The following CYP7B1 variants were observed in gnomAD, a reference collection of about 807,000 sequenced individuals.
The protein encoded by CYP7B1 is cytochrome P450 family 7 subfamily B member 1, also known as cytochrome P450 7B1.
In CYP7B1, 29 loss-of-function variants were observed where a neutral mutation model predicts 42.7. The observed-to-expected ratio is 0.68, with a 90% CI of 0.51 to 0.93. CYP7B1 has a LOEUF of 0.93. Among genes scored for constraint, CYP7B1 ranks in the 40% least tolerant of loss-of-function variants. The pLI is 0.00. For missense variants in CYP7B1, 655 were observed against 600.5 expected, an observed-to-expected ratio of 1.09 and a Z score of -0.95; for synonymous variants, 235 against 218.2, an observed-to-expected ratio of 1.08 and a Z score of -0.68.
chr8:64,768,387 T>C (rs1804147340), intron 1 of CYP7B1, among the ~76,000 whole-genome samples: 1 of 152,178 alleles, frequency 6.6e-6, no homozygotes, highest in Non-Finnish European at 1.5e-5. Context: ...GTTATTTACA[T>C]TTCAGAGAGC....
chr8:64,605,517 T>C (rs1017914046), intron 4 of CYP7B1, among the ~76,000 whole-genome samples: 1 of 152,200 alleles, frequency 6.6e-6, no homozygotes, highest in Non-Finnish European at 1.5e-5. Context: ...CCTTTCCCAG[T>C]GGCCTTCACC....
At chr8:64,682,535 C>A (rs1445124730) in intron 1 of CYP7B1, among the ~76,000 whole-genome samples, 1 of 152,132 alleles carries the variant, frequency 6.6e-6, no homozygotes, top group Admixed American at 6.5e-5. Flanking sequence ...CCTTGGTGAC[C>A]TTTCTTCAAA....
At position 64,762,803 on chromosome 8, in the gene CYP7B1, A is replaced by G. The variant is rs563531354; in HGVS notation, c.122+35663T>C. Among the ~76,000 whole-genome samples the G allele has an allele frequency of 2.0e-4, 30 of 152,334 alleles. No homozygotes were observed. In the East Asian group the frequency reaches 3.5e-3, roughly 18 times the overall value. On this transcript the variant is annotated intron_variant, in intron 1 of 5. Transcript: ENST00000310193. ...AAGACCCTGTAGTAGTTTTCCTTCCAGCATATCTTCTCTACCTATTTTATT... is the reference window on the plus strand; with the variant it reads ...AAGACCCTGTAGTAGTTTTCCTTCCGGCATATCTTCTCTACCTATTTTATT...
chr8:64,760,482 T>G (rs532878909), intron 1 of CYP7B1, among the ~76,000 whole-genome samples: 3 of 152,028 alleles, frequency 2.0e-5, no homozygotes, highest in Admixed American at 1.3e-4. Context: ...CTAAAATATA[T>G]AAGGAATTCA....
chr8:64,615,973 C>T lies in CYP7B1; in HGVS notation c.568G>A (p.Glu190Lys), dbSNP rs1563364227. Residue 190 changes from glutamate to lysine, a missense_variant, in exon 3 of 6, where the codon GAG (glutamate) becomes AAG (lysine). Glu to Lys is a moderately conservative substitution (Grantham distance 56). Coordinates refer to ENST00000310193, the MANE Select transcript of CYP7B1 (RefSeq NM_004820.5). The part of the protein sequence containing the change: ...LYPFCSSIIF[E>K]ITFTTIYGKV... ...CCATATATAGTTGTAAATGTGATCT[C>T]AAATATTATTGAGCTGCAGAATGGA... is the stretch of plus-strand genomic sequence containing the variant. The T allele has an allele frequency of 6.2e-7, 1 of 1,613,638 alleles. No individual in the cohort carries two copies. Among genetic ancestry groups the T allele is most frequent in the Non-Finnish European group, 8.5e-7 (1 of 1,179,822 alleles).
In CYP7B1 at chr8:64,593,299, T is replaced by C. The variant is rs890080119; in HGVS notation, c.*3343A>G. Among the ~76,000 whole-genome samples, 8 of 142,260 alleles carry C rather than the reference T, an allele frequency of 5.6e-5. No homozygotes were observed. The highest frequency in any genetic ancestry group is 1.1e-4 in the Non-Finnish European group (7 of 66,168). 93.3% of individuals were successfully genotyped at this position (142,260 alleles called of 152,430 possible). A position where few individuals can be genotyped will look rare whatever the true frequency, so the allele number is the denominator to read the frequency against. ...TGTGTGTGTGTGTAATCCAAGGCCT[T>C]TGCATAAAGCCAAGAACTTGCAAAG... On this transcript the variant is annotated 3_prime_UTR_variant, in exon 6 of 6. Coordinates refer to ENST00000310193, the MANE Select transcript of CYP7B1 (RefSeq NM_004820.5).
intron 1 of CYP7B1, among the ~76,000 whole-genome samples, chr8:64,770,531 T>C (rs1423908747): frequency 6.6e-6 from 1 of 152,216 alleles, no homozygotes; most frequent in Non-Finnish European, 1.5e-5. Flanking sequence ...TTAAGGACAC[T>C]TAATATGCAA....
chr8:64,745,075 T>A (rs1016599293), intron 1 of CYP7B1, among the ~76,000 whole-genome samples: 4 of 152,200 alleles, frequency 2.6e-5, no homozygotes, highest in Non-Finnish European at 5.9e-5. Flanking sequence ...ACTAATTCCT[T>A]CATTTAGTTC....
intron 1 of CYP7B1, among the ~76,000 whole-genome samples, chr8:64,655,884 T>C (rs1806113226): frequency 6.6e-6 from 1 of 152,184 alleles, no homozygotes; most frequent in South Asian, 2.1e-4. Context: ...TGGAGGCTAT[T>C]ACCCTTAGCA....
chr8:64,780,401 G>A lies in CYP7B1; in HGVS notation c.122+18065C>T, dbSNP rs1009518923. ...TTTATTAATGTCAACTATTTAGGAT[G>A]AAGTTATGAGGAGAAATGACAATGA... On this transcript the variant is annotated intron_variant, in intron 1 of 5. Transcript: ENST00000310193. Among the ~76,000 whole-genome samples, 20 of 152,180 alleles carry A rather than the reference G, an allele frequency of 1.3e-4. 1 individual carries two copies. Among genetic ancestry groups the A allele is most frequent in the South Asian group, 1.0e-3 (5 of 4,824 alleles).
chr8:64,798,511 G>A lies in CYP7B1; in HGVS notation c.77C>T (p.Ala26Val), dbSNP rs754214163. The change falls in exon 1 of 6, where the codon GCG becomes GTG. Residue 26 changes from alanine to valine, a missense_variant. By Grantham distance (64) the Ala-to-Val change is moderately conservative. Coordinates refer to ENST00000310193, the MANE Select transcript of CYP7B1 (RefSeq NM_004820.5). ...GCAGAGGGCCAGGAGCAGCAGGGCCGCGGCGAGGGCCAGGCCCGGGAGGCC... is the reference window on the plus strand; with the variant it reads ...GCAGAGGGCCAGGAGCAGCAGGGCCACGGCGAGGGCCAGGCCCGGGAGGCC... ...RLGLPGLALA[A>V]ALLLLALCLL... The A allele has an allele frequency of 1.1e-5, 17 of 1,507,492 alleles. No homozygotes were observed. Among genetic ancestry groups the A allele is most frequent in the Non-Finnish European group, 1.5e-5 (17 of 1,136,910 alleles). The allele number at this position is 1,507,492 out of a possible 1,614,324, so 93.4% of individuals were successfully genotyped here.
chr8:64,691,774 C>A (rs1197334545), intron 1 of CYP7B1, among the ~76,000 whole-genome samples: 2 of 152,196 alleles, frequency 1.3e-5, no homozygotes, highest in Non-Finnish European at 2.9e-5. Flanking sequence ...CCTCCCCCAT[C>A]TGCAGTGGAG....
intron 1 of CYP7B1, among the ~76,000 whole-genome samples, chr8:64,698,092 T>A (rs1806857774): frequency 6.6e-6 from 1 of 152,216 alleles, no homozygotes; most frequent in Admixed American, 6.5e-5. Context: ...TTTTCCAATG[T>A]CTCATGCTTT....
At chr8:64,628,865 C>A (rs1322001807) in intron 1 of CYP7B1, among the ~76,000 whole-genome samples, 6 of 152,026 alleles carry the variant, frequency 3.9e-5, no homozygotes, top group African/African-American at 1.2e-4. Flanking sequence ...TCATGCTATA[C>A]CTGTAGTTAA....
chr8:64,776,040 C>T (rs552998132), intron 1 of CYP7B1, among the ~76,000 whole-genome samples: 1 of 152,230 alleles, frequency 6.6e-6, no homozygotes, highest in South Asian at 2.1e-4. Context: ...ACAGCATGGT[C>T]CTACTTTTTC....
chr8:64,796,093 T>G (rs2129737668), intron 1 of CYP7B1, among the ~76,000 whole-genome samples: 1 of 152,316 alleles, frequency 6.6e-6, no homozygotes, highest in Admixed American at 6.5e-5. Flanking sequence ...GGAATGAGAA[T>G]AAAAATGTAA....
rs578056266 is a variant in CYP7B1, at chr8:64,600,178, T to C, written c.1234-3249A>G. Among the ~76,000 whole-genome samples the C allele has an allele frequency of 8.5e-5, 13 of 152,306 alleles. No individual in the cohort carries two copies. In the East Asian group the frequency reaches 2.5e-3, roughly 29 times the overall value. On this transcript the variant is annotated intron_variant, in intron 5 of 5. Coordinates refer to ENST00000310193, the MANE Select transcript of CYP7B1 (RefSeq NM_004820.5). The stretch of plus-strand genomic sequence containing the variant: ...TTCAGTGTTTACAAATAGTAGGAAA[T>C]TGTATAATATTGAAGCACTAGAAAT...
At chr8:64,721,027 T>TA (rs1186798594) in intron 1 of CYP7B1, among the ~76,000 whole-genome samples, 1 of 150,626 alleles carries the variant, frequency 6.6e-6, no homozygotes, top group Non-Finnish European at 1.5e-5. Context: ...AAGATCAAAA[T>TA]AAAAAATGTT....
At chr8:64,627,613 C>T (rs1485545421) in intron 1 of CYP7B1, among the ~76,000 whole-genome samples, 1 of 152,070 alleles carries the variant, frequency 6.6e-6, no homozygotes, top group Non-Finnish European at 1.5e-5. Context: ...GGGGTTTCCG[C>T]CAGGGGAAAG....
Sources: allele counts gnomAD v4.1 joint callset (sites outside exome capture counted in the v4.1 genomes callset), GRCh38; gene constraint gnomAD v4.1.1; transcripts MANE v1.5; gene names NCBI Gene and HGNC (gene_info 2026-07-23, HGNC 2026-07-21).